Variants in LINGO1 observed in about 807,000 individuals in gnomAD.
LINGO1 encodes leucine-rich repeat and immunoglobulin-like domain-containing nogo receptor-interacting protein 1.
In LINGO1, 11 loss-of-function variants were observed where a neutral mutation model predicts 37.3. The ratio of observed to expected loss-of-function variants is 0.29; its 90% confidence interval spans 0.19 to 0.49. The LOEUF is 0.49. LINGO1 is among the 20% of genes least tolerant of loss of function. The pLI is 0.99. For missense variants in LINGO1, 585 were observed against 878.2 expected, an observed-to-expected ratio of 0.67 and a Z score of 4.22; for synonymous variants, 387 against 403.0, an observed-to-expected ratio of 0.96 and a Z score of 0.48.
At chr15:77,627,894 C>T (rs1378195152) in intron 1 of LINGO1, among the ~76,000 whole-genome samples, 5 of 152,300 alleles carry the variant, frequency 3.3e-5, no homozygotes, top group African/African-American at 9.6e-5. Flanking sequence ...GAACGGGTGC[C>T]GATGGGATGA....
chr15:77,774,372 C>A (rs778509015), intron 1 of LINGO1, among the ~76,000 whole-genome samples: 2 of 152,144 alleles, frequency 1.3e-5, no homozygotes, highest in Non-Finnish European at 2.9e-5. Context: ...CCTCAAGCAC[C>A]TTCCGATCAG....
intron 1 of LINGO1, among the ~76,000 whole-genome samples, chr15:77,623,066 A>G (rs28501538): frequency 0.21 from 31,786 of 152,180 alleles, 5,067 homozygotes; most frequent in African/African-American, 0.45. Context: ...CTGCAGACGC[A>G]CCCACATCAA....
intron 2 of LINGO1, among the ~76,000 whole-genome samples, chr15:77,688,941 TGAGGCAATGCA>T (rs2075557208): frequency 6.6e-6 from 1 of 152,152 alleles, no homozygotes; most frequent in Non-Finnish European, 1.5e-5. Context: ...AGAGTATGAA[TGAGGCAATGCA>T]CACTGGGCCT....
chr15:77,735,923 C>T (rs981949216), intron 1 of LINGO1, among the ~76,000 whole-genome samples: 1 of 152,216 alleles, frequency 6.6e-6, no homozygotes, highest in Non-Finnish European at 1.5e-5. Context: ...GGTTTCTGAA[C>T]ACTAAGGCGA....
chr15:77,786,223 T>G (rs989876943), intron 1 of LINGO1, among the ~76,000 whole-genome samples: 2 of 151,968 alleles, frequency 1.3e-5, no homozygotes, highest in Non-Finnish European at 2.9e-5. Context: ...CAACTGATCC[T>G]CACCACCCCT....
intron 1 of LINGO1, among the ~76,000 whole-genome samples, chr15:77,775,114 A>G (rs1306074677): frequency 6.6e-6 from 1 of 152,158 alleles, no homozygotes; most frequent in African/African-American, 2.4e-5. Flanking sequence ...TGGGGATGGC[A>G]GCACCTCGGG....
chr15:77,727,448 A>C (rs1461273900), intron 2 of LINGO1, among the ~76,000 whole-genome samples: 3 of 152,254 alleles, frequency 2.0e-5, no homozygotes, highest in South Asian at 4.1e-4. Context: ...CACAGTATGG[A>C]TGAACACGGA....
intron 2 of LINGO1, among the ~76,000 whole-genome samples, chr15:77,682,375 C>T (rs922427563): frequency 1.2e-4 from 18 of 151,204 alleles, no homozygotes; most frequent in African/African-American, 3.7e-4. Context: ...CAGACACCCA[C>T]GGGGCCACGG....
intron 1 of LINGO1, among the ~76,000 whole-genome samples, chr15:77,780,482 G>A (rs1237181151): frequency 1.3e-5 from 2 of 152,042 alleles, no homozygotes; most frequent in African/African-American, 2.4e-5. Context: ...GGAGTGTCTA[G>A]TATGCCCAGG....
At chr15:77,641,635 C>G (rs2074508259) in intron 3 of LINGO1, 1 of 352,680 alleles carries the variant, frequency 2.8e-6, no homozygotes, top group Non-Finnish European at 5.6e-6. Flanking sequence ...CAGAAGGAGA[C>G]AGATGAGGAG....
intron 1 of LINGO1, among the ~76,000 whole-genome samples, chr15:77,764,371 CAA>C (rs1258853845): frequency 6.6e-6 from 1 of 152,130 alleles, no homozygotes; most frequent in African/African-American, 2.4e-5. Context: ...ATCCGTTCAA[CAA>C]AAGACATTAC....
intron 2 of LINGO1, among the ~76,000 whole-genome samples, chr15:77,725,640 T>C (rs1320505036): frequency 6.6e-6 from 1 of 152,212 alleles, no homozygotes; most frequent in Non-Finnish European, 1.5e-5. Flanking sequence ...AATGGTTATT[T>C]TGCAGATGGA....
chr15:77,731,080 TAGCTG>T (rs2076150304), intron 2 of LINGO1, among the ~76,000 whole-genome samples: 1 of 152,194 alleles, frequency 6.6e-6, no homozygotes, highest in Non-Finnish European at 1.5e-5. Flanking sequence ...TTCAATGTCT[TAGCTG>T]AGAATTATTT....
At chr15:77,745,651 C>T (rs532265666) in intron 1 of LINGO1, among the ~76,000 whole-genome samples, 4 of 152,268 alleles carry the variant, frequency 2.6e-5, no homozygotes, top group South Asian at 2.1e-4. Context: ...GACCCTGCTG[C>T]GGACGAGACC....
intron 2 of LINGO1, among the ~76,000 whole-genome samples, chr15:77,704,548 G>A (rs1161108999): frequency 6.7e-6 from 1 of 150,234 alleles, no homozygotes; most frequent in Non-Finnish European, 1.5e-5. Flanking sequence ...GCCACACACT[G>A]AGCCCCAACC....
intron 1 of LINGO1, among the ~76,000 whole-genome samples, chr15:77,777,012 G>A (rs888289559): frequency 6.6e-6 from 1 of 152,164 alleles, no homozygotes; most frequent in Non-Finnish European, 1.5e-5. Flanking sequence ...CTGGCCAGGT[G>A]GGGTATTCCC....
At chr15:77,729,094 C>T (rs1394665663) in intron 2 of LINGO1, among the ~76,000 whole-genome samples, 2 of 152,206 alleles carry the variant, frequency 1.3e-5, no homozygotes, top group Non-Finnish European at 2.9e-5. Context: ...CCACACCCAC[C>T]CAAGCGCCCA....
At chr15:77,818,469 C>A (rs1437292866) in intron 1 of LINGO1, among the ~76,000 whole-genome samples, 1 of 152,190 alleles carries the variant, frequency 6.6e-6, no homozygotes, top group Non-Finnish European at 1.5e-5. Context: ...CACGCGGGGG[C>A]ATGGCTCCAA....
intron 1 of LINGO1, among the ~76,000 whole-genome samples, chr15:77,630,002 G>GA (rs1261219189): frequency 6.6e-6 from 1 of 151,974 alleles, no homozygotes; most frequent in Non-Finnish European, 1.5e-5. Context: ...AGGATGGGGG[G>GA]ATACGTGGAG....
Sources: gnomAD v4.1 joint callset for allele counts (sites outside exome capture counted in the v4.1 genomes callset) on GRCh38, gnomAD v4.1.1 for gene constraint, MANE v1.5 for transcripts, NCBI Gene and HGNC (gene_info 2026-07-23, HGNC 2026-07-21) for gene names.